INIP: variants seen among roughly 807,000 people sequenced by gnomAD.
The protein encoded by INIP is SOSS complex subunit C.
Under a neutral mutation model 14.0 loss-of-function variants are expected in INIP, and 9 were observed. The observed-to-expected ratio is 0.64, with a 90% CI of 0.39 to 1.12. The LOEUF is 1.12. INIP is among the 50% of genes most tolerant of loss of function. The pLI, the probability that INIP is intolerant of heterozygous loss-of-function variation, is 0.01. For missense variants in INIP, 78 were observed against 122.7 expected, an observed-to-expected ratio of 0.64 and a Z score of 1.72; for synonymous variants, 37 against 41.5, an observed-to-expected ratio of 0.89 and a Z score of 0.41.
In INIP at chr9:112,687,579, TC is replaced by T; in HGVS notation, c.273del (p.Asn92ThrfsTer25). On this transcript the variant is annotated frameshift_variant, in exon 5 of 5. Coordinates refer to ENST00000374242, the MANE Select transcript of INIP (RefSeq NM_021218.3). LOFTEE classifies it high-confidence loss of function. ...CGAGGTAAAACAGGAAGAATAAGGT[TC>T]CCAAATGCAGAGTCTTGAGTGATGA... ...GYFITQDSAF[G>X]NLILPVLPRL... 1 of 1,610,906 alleles carries T rather than the reference TC, an allele frequency of 6.2e-7. No individual in the cohort carries two copies. Among genetic ancestry groups the T allele is most frequent in the Non-Finnish European group, 8.5e-7 (1 of 1,177,472 alleles).
intron 2 of INIP, among the ~76,000 whole-genome samples, chr9:112,697,497 C>T (rs779161306): frequency 1.3e-5 from 2 of 152,072 alleles, no homozygotes; most frequent in Admixed American, 6.6e-5. Flanking sequence ...GCAGGAGGAT[C>T]GCTTGAGCCC....
Position 112,684,578 on chromosome 9 carries a change from G to A in INIP, c.*2960C>T, listed in dbSNP as rs1837590317. 1.3e-5 allele frequency: 2 copies of A among 151,876 alleles called. No individual in the cohort carries two copies. 9.4% of individuals were successfully genotyped at this position (151,876 alleles called of 1,614,324 possible). On this transcript the variant is annotated 3_prime_UTR_variant, in exon 5 of 5. Transcript: ENST00000374242. ...TCTTAAAAAACCAACACAATACAAA[G>A]TAAAATATAGGAACACACAGAAACA...
chr9:112,716,799 A>G (rs1197382366), intron 1 of INIP, among the ~76,000 whole-genome samples: 2 of 151,844 alleles, frequency 1.3e-5, no homozygotes, highest in African/African-American at 4.8e-5. Flanking sequence ...AAAATTAAAA[A>G]AAAAAATCAG....
intron 2 of INIP, 131 bp from the exon 3 acceptor site, chr9:112,694,364 A>G: frequency 1.6e-6 from 1 of 613,094 alleles, no homozygotes; most frequent in Non-Finnish European, 2.9e-6. Flanking sequence ...ATGATAATGA[A>G]TTCACCAGTA....
At chr9:112,716,289 G>C (rs900696176) in intron 2 of INIP, among the ~76,000 whole-genome samples, 172 bp downstream of exon 2, 1 of 152,010 alleles carries the variant, frequency 6.6e-6, no homozygotes, top group Non-Finnish European at 1.5e-5. Flanking sequence ...CAGTCCACCC[G>C]ACTTGGCCTC....
intron 3 of INIP, among the ~76,000 whole-genome samples, chr9:112,693,025 T>C (rs1837948563): frequency 9.0e-6 from 1 of 111,602 alleles, no homozygotes. Flanking sequence ...TTAGACCCTG[T>C]CTCAAAAAAA....
At chr9:112,701,887 A>G (rs960315458) in intron 2 of INIP, 5 of 147,358 alleles carry the variant, frequency 3.4e-5, no homozygotes, top group African/African-American at 1.2e-4. Flanking sequence ...TTGTCTGTAC[A>G]AAAAAAAAAA....
chr9:112,714,872 G>T (rs551739472), intron 2 of INIP, among the ~76,000 whole-genome samples: 1 of 152,182 alleles, frequency 6.6e-6, no homozygotes, highest in South Asian at 2.1e-4. Flanking sequence ...AACACAGATG[G>T]TATAGCCTAC....
intron 3 of INIP, among the ~76,000 whole-genome samples, chr9:112,690,486 A>G (rs548891564): frequency 4.7e-4 from 71 of 152,266 alleles, no homozygotes; most frequent in South Asian, 8.3e-4. Context: ...AAAAAGAACT[A>G]TCATCCTGTA....
rs1035492196 is a variant in INIP, at chr9:112,699,295, A to G, written c.26-5062T>C. On this transcript the variant is annotated intron_variant, in intron 2 of 4. Coordinates refer to ENST00000374242, the MANE Select transcript of INIP (RefSeq NM_021218.3). Reference sequence around the variant, plus strand: ...CACTGCACTCTGGCCTGTGCGGCAGAGCAAGACCCTGTCTCTAAAAAAAAA... The same window carrying G: ...CACTGCACTCTGGCCTGTGCGGCAGGGCAAGACCCTGTCTCTAAAAAAAAA... Among the ~76,000 whole-genome samples, 5 of 152,088 alleles carry G rather than the reference A, an allele frequency of 3.3e-5. No homozygotes were observed. In the South Asian group the frequency reaches 1.0e-3, roughly 32 times the overall value.
At chr9:112,694,859 T>G (rs1838019929) in intron 2 of INIP, among the ~76,000 whole-genome samples, 3 of 152,320 alleles carry the variant, frequency 2.0e-5, no homozygotes, top group African/African-American at 7.2e-5. Context: ...AGATATGGCC[T>G]TTGTCAAATA....
In INIP at chr9:112,689,520, T is replaced by C. The variant is rs150494593; in HGVS notation, c.219+7A>G. On this transcript the variant is annotated splice_region_variant and intron_variant, in intron 4 of 4. Transcript: ENST00000374242. ...ACCGAGGCAAGAATGTCAGTTACAC[T>C]GCTCACCTGCAAAGCTGCCTTCTGT... The C allele has an allele frequency of 5.5e-4, 887 of 1,613,150 alleles. 6 individuals carry two copies. The African/African-American group carries it at 0.01, about 19-fold the overall frequency.
chr9:112,692,769 T>C (rs950123256), intron 3 of INIP, among the ~76,000 whole-genome samples: 1 of 150,274 alleles, frequency 6.7e-6, no homozygotes, highest in Non-Finnish European at 1.5e-5. Flanking sequence ...CTAGGTGCAG[T>C]GGCTAACGCT....
In INIP at chr9:112,686,161, T is replaced by C. The variant is rs998815852; in HGVS notation, c.*1377A>G. On this transcript the variant is annotated 3_prime_UTR_variant, in exon 5 of 5. Transcript: ENST00000374242. ...ACAAAAAGTTATATAAAATACTGTATCTGTGATACAGTGTAAAATATCATT... is the reference window on the plus strand; with the variant it reads ...ACAAAAAGTTATATAAAATACTGTACCTGTGATACAGTGTAAAATATCATT... 4 of 152,118 alleles carry C rather than the reference T, an allele frequency of 2.6e-5. No individual in the cohort carries two copies. The highest frequency in any genetic ancestry group is 9.7e-5 in the African/African-American group (4 of 41,426). 9.4% of individuals were successfully genotyped at this position (152,118 alleles called of 1,614,324 possible).
intron 2 of INIP, among the ~76,000 whole-genome samples, chr9:112,696,144 AGTCTCAC>A (rs1838086451): frequency 6.6e-6 from 1 of 151,966 alleles, no homozygotes; most frequent in African/African-American, 2.4e-5. Flanking sequence ...CTCCCACCTT[AGTCTCAC>A]AAAGTGCTAG....
chr9:112,698,502 CTG>C (rs1838180026), intron 2 of INIP, among the ~76,000 whole-genome samples: 1 of 151,988 alleles, frequency 6.6e-6, no homozygotes, highest in African/African-American at 2.4e-5. Context: ...TAAATAATAA[CTG>C]AAACTTTGTC....
Position 112,716,527 on chromosome 9 carries a change from G to A in INIP, c.-42C>T. The stretch of plus-strand genomic sequence containing the variant: ...AAGTATGTCCAGTGGCAATTGGTCA[G>A]CACTTCACAATCACCTATAAAATAT... On this transcript the variant is annotated 5_prime_UTR_variant, in exon 2 of 5. Coordinates refer to ENST00000374242, the MANE Select transcript of INIP (RefSeq NM_021218.3). 6.3e-7 allele frequency: 1 copy of A among 1,590,986 alleles called. No individual in the cohort carries two copies. Among genetic ancestry groups the A allele is most frequent in the Non-Finnish European group, 8.6e-7 (1 of 1,159,030 alleles).
chr9:112,687,886 C>T (rs1328950904), intron 4 of INIP, among the ~76,000 whole-genome samples: 3 of 151,952 alleles, frequency 2.0e-5, no homozygotes, highest in South Asian at 2.1e-4. Flanking sequence ...GAGATCGAGA[C>T]CATCCTGGCT....
At chr9:112,707,071 C>T (rs1203998567) in intron 2 of INIP, among the ~76,000 whole-genome samples, 1 of 151,918 alleles carries the variant, frequency 6.6e-6, no homozygotes, top group Non-Finnish European at 1.5e-5. Context: ...GTAATCATGC[C>T]AGCATAATTA....
Sources: gnomAD v4.1 joint callset for allele counts (sites outside exome capture counted in the v4.1 genomes callset) on GRCh38, gnomAD v4.1.1 for gene constraint, MANE v1.5 for transcripts, NCBI Gene and HGNC (gene_info 2026-07-23, HGNC 2026-07-21) for gene names.